TEX10: variants seen among roughly 807,000 people sequenced by gnomAD.
TEX10 encodes the protein testis-expressed protein 10.
TEX10 carries 24 observed loss-of-function variants against 104.4 expected under a neutral mutation model. The ratio of observed to expected loss-of-function variants is 0.23; its 90% CI spans 0.17 to 0.32. The LOEUF (loss-of-function observed/expected upper bound fraction) is 0.32, where lower values mean the gene tolerates loss of function less well. Among genes scored for constraint, TEX10 ranks in the 10% least tolerant of loss-of-function variants. The pLI is 1.00. For synonymous variants in TEX10, 396 were observed against 393.4 expected (o/e 1.01, Z -0.08); for missense variants, 921 against 1,083.9 (o/e 0.85, Z 2.11).
chr9:100,319,817 A>C (rs2118861033), intron 11 of TEX10, among the ~76,000 whole-genome samples: 1 of 152,274 alleles, frequency 6.6e-6, no homozygotes, highest in East Asian at 1.9e-4. Flanking sequence ...AAAAAAATAA[A>C]ATAAAATAAA....
At chr9:100,311,982 G>T (rs950256985) in intron 11 of TEX10, among the ~76,000 whole-genome samples, 1 of 151,992 alleles carries the variant, frequency 6.6e-6, no homozygotes, top group African/African-American at 2.4e-5. Flanking sequence ...GAGTGTGTGG[G>T]GGGGGGAATC....
chr9:100,346,571 C>A, intron 3 of TEX10, 123 bp downstream of exon 3: 1 of 1,118,766 alleles, frequency 8.9e-7, no homozygotes. Context: ...AAAATCAAAT[C>A]ATGAGTAACT....
chr9:100,323,599 TG>T (rs1588173249), intron 9 of TEX10, among the ~76,000 whole-genome samples: 1 of 152,186 alleles, frequency 6.6e-6, no homozygotes, highest in East Asian at 1.9e-4. Context: ...AAACTATAAC[TG>T]GTTGGTAAAA....
chr9:100,335,932 C>T (rs900089646), intron 5 of TEX10, among the ~76,000 whole-genome samples: 2 of 151,962 alleles, frequency 1.3e-5, no homozygotes, highest in African/African-American at 4.8e-5. Flanking sequence ...AAAATACAGG[C>T]TGGGCACAGT....
intron 11 of TEX10, among the ~76,000 whole-genome samples, chr9:100,312,461 A>G (rs1046804251): frequency 2.0e-5 from 3 of 152,230 alleles, no homozygotes; most frequent in Admixed American, 2.0e-4. Flanking sequence ...AGCAGGTACA[A>G]AAAAGAAACA....
At chr9:100,309,697 G>A (rs1834226125) in intron 12 of TEX10, among the ~76,000 whole-genome samples, 1 of 152,208 alleles carries the variant, frequency 6.6e-6, no homozygotes, top group African/African-American at 2.4e-5. Context: ...GTTTCTCAAA[G>A]ATATAATTTG....
At chr9:100,339,394 T>A (rs1158489484) in intron 5 of TEX10, among the ~76,000 whole-genome samples, 2 of 143,740 alleles carry the variant, frequency 1.4e-5, no homozygotes, top group African/African-American at 5.2e-5. Context: ...ATAAAACTGC[T>A]TAGGAGGGCA....
At chr9:100,352,609 C>T in intron 1 of TEX10, 163 bp downstream of exon 1, 1 of 1,482,394 alleles carries the variant, frequency 6.7e-7, no homozygotes, top group South Asian at 1.3e-5. Flanking sequence ...GCCGGCCGCA[C>T]ACCCAGGCCC....
chr9:100,310,267 A>G (rs1168769543), intron 12 of TEX10, 32 bp downstream of exon 12: 2 of 1,586,582 alleles, frequency 1.3e-6, no homozygotes, highest in South Asian at 2.2e-5. Context: ...TCCTGTGTTC[A>G]TTCTTAAGAG....
Position 100,340,293 on chromosome 9 carries a change from T to A in TEX10, c.1214A>T (p.Glu405Val), listed in dbSNP as rs1468134625. The A allele has an allele frequency of 6.3e-7, 1 of 1,576,664 alleles. No individual in the cohort carries two copies. The highest frequency in any genetic ancestry group is 2.4e-5 in the East Asian group (1 of 42,408). The change falls in exon 5 of 15, where the codon GAA becomes GTA. Residue 405 changes from glutamate to valine, a missense_variant. Transcript: ENST00000374902. ...CTCTTTCCTTTTGTGCTTGGTTATT[T>A]CTTTTAAGACATATGGAAAACGACT... The part of the protein sequence containing the change: ...FMSRFPYVLK[E>V]ITKHKRKEPN...
chr9:100,341,065 G>C (rs7036570), intron 4 of TEX10, among the ~76,000 whole-genome samples: 90,366 of 151,870 alleles, frequency 0.6, 28,173 homozygotes, highest in East Asian at 0.89. Flanking sequence ...CTCCCAGATT[G>C]AAGCGATTCT....
Position 100,310,294 on chromosome 9 carries a change from C to T in TEX10, c.2283+5G>A. Reference sequence around the variant, plus strand: ...TCTTAAGAGAAAAAGTTTAAGGATACTTACCAAATGCTTACTGATGGCACT... The same window carrying T: ...TCTTAAGAGAAAAAGTTTAAGGATATTTACCAAATGCTTACTGATGGCACT... On this transcript the variant is annotated splice_donor_5th_base_variant and intron_variant, in intron 12 of 14. Coordinates refer to ENST00000374902, the MANE Select transcript of TEX10 (RefSeq NM_017746.4). 1 of 1,613,600 alleles carries T rather than the reference C, an allele frequency of 6.2e-7. No homozygotes were observed.
At chr9:100,330,350 T>G (rs896737205) in intron 5 of TEX10, among the ~76,000 whole-genome samples, 181 bp from the exon 6 acceptor site, 3 of 152,236 alleles carry the variant, frequency 2.0e-5, no homozygotes, top group Non-Finnish European at 4.4e-5. Flanking sequence ...ACCATTTCAT[T>G]ATGGAATCAG....
Position 100,346,958 on chromosome 9 carries a change from A to C in TEX10, c.629T>G (p.Leu210Arg). The C allele has an allele frequency of 1.2e-6, 2 of 1,614,230 alleles. No homozygotes were observed. The highest frequency in any genetic ancestry group is 1.7e-6 in the Non-Finnish European group (2 of 1,180,036). The part of the protein sequence containing the change: ...INRDRSQSWI[L>R]SVNPNRRLTS... Reference sequence around the variant, plus strand: ...GAGTCTCCGATTAGGATTTACAGAAAGTATCCAGGACTGGGATCTGTCTCT... The same window carrying C: ...GAGTCTCCGATTAGGATTTACAGAACGTATCCAGGACTGGGATCTGTCTCT... Residue 210 changes from leucine to arginine, a missense_variant, in exon 3 of 15, where the codon CTT becomes CGT. Physicochemically the swap from Leu to Arg is moderately radical, Grantham distance 102. Transcript: ENST00000374902.
At chr9:100,339,368 A>ATATT (rs1554739484) in intron 5 of TEX10, among the ~76,000 whole-genome samples, 2 of 142,248 alleles carry the variant, frequency 1.4e-5, no homozygotes, top group African/African-American at 5.2e-5. Flanking sequence ...ATATTTATAT[A>ATATT]TATTTATATA....
In TEX10 at chr9:100,347,152, G is replaced by C. The variant is rs1291223137; in HGVS notation, c.435C>G (p.Leu145=). 22 of 1,614,064 alleles carry C rather than the reference G, an allele frequency of 1.4e-5. No individual in the cohort carries two copies. The highest frequency in any genetic ancestry group is 1.7e-5 in the Admixed American group (1 of 60,004). Reference sequence around the variant, plus strand: ...CAGTAATGTGAGTCATGGCACTAGAGAGATGGGCACTTACCAAAGGAAAAA... The same window carrying C: ...CAGTAATGTGAGTCATGGCACTAGACAGATGGGCACTTACCAAAGGAAAAA... ...SPFFPLVSAH[L]SSAMTHITEG... The change falls in exon 3 of 15, where the codon CTC becomes CTG. Residue 145 remains leucine, a synonymous_variant. Coordinates refer to ENST00000374902, the MANE Select transcript of TEX10 (RefSeq NM_017746.4).
At position 100,302,988 on chromosome 9, in the gene TEX10, A is replaced by C. The variant is rs1391184150; in HGVS notation, c.2676+644T>G. On this transcript the variant is annotated intron_variant, in intron 14 of 14. Coordinates refer to ENST00000374902, the MANE Select transcript of TEX10 (RefSeq NM_017746.4). ...TAAACAACAGAGCTGTCCCGGCCAA[A>C]CAGACACAGCTGAAGGCAGAGAGCC... 8.6e-5 allele frequency among the ~76,000 whole-genome samples: 13 copies of C among 150,700 alleles called. No homozygotes were observed. The East Asian group carries it at 2.6e-3, about 31-fold the overall frequency.
At chr9:100,310,477 C>T (rs1834248907) in intron 11 of TEX10, 98 bp from the exon 12 acceptor site, 3 of 1,168,058 alleles carry the variant, frequency 2.6e-6, no homozygotes, top group Middle Eastern at 2.0e-4. Context: ...TTCACTCTGT[C>T]GCCCAGGCTG....
intron 11 of TEX10, among the ~76,000 whole-genome samples, chr9:100,313,747 G>A (rs1428655071): frequency 6.6e-6 from 1 of 151,646 alleles, no homozygotes; most frequent in Non-Finnish European, 1.5e-5. Context: ...AAGAGGCTGA[G>A]GCAAGAGAAT....
Sources: allele counts gnomAD v4.1 joint callset (sites outside exome capture counted in the v4.1 genomes callset), GRCh38; gene constraint gnomAD v4.1.1; transcripts MANE v1.5; gene names NCBI Gene and HGNC (gene_info 2026-07-23, HGNC 2026-07-21).